The following BCL9 variants were observed in gnomAD, a reference collection of about 807,000 sequenced individuals.
The protein encoded by BCL9 is BCL9 transcription coactivator.
Under a neutral mutation model 88.5 loss-of-function variants are expected in BCL9, and 25 were observed. That is an observed-to-expected ratio of 0.28 (90% CI 0.21 to 0.39). The LOEUF (loss-of-function observed/expected upper bound fraction) is 0.39, where lower values mean the gene tolerates loss of function less well. Among genes scored for constraint, BCL9 ranks in the 10% least tolerant of loss-of-function variants. The probability of loss-of-function intolerance (pLI) is 1.00; values close to 1 mark genes in which losing one functional copy is unlikely to be tolerated. For missense variants in BCL9, 1,817 were observed against 1,877.8 expected (o/e 0.97, Z 0.60); for synonymous variants, 711 against 673.3 (o/e 1.06, Z -0.87).
chr1:147,550,268 T>C (rs782553478), intron 1 of BCL9, among the ~76,000 whole-genome samples: 2 of 152,150 alleles, frequency 1.3e-5, no homozygotes, highest in Non-Finnish European at 2.9e-5. Context: ...GACTGTCTTT[T>C]AGTACGAACC....
intron 1 of BCL9, among the ~76,000 whole-genome samples, chr1:147,542,080 C>G (rs1283995869): frequency 6.6e-6 from 1 of 152,160 alleles, no homozygotes; most frequent in Non-Finnish European, 1.5e-5. Context: ...TCAGGCTGAG[C>G]AAGGGCCGGC....
chr1:147,583,312 C>G (rs1170235590), intron 1 of BCL9, among the ~76,000 whole-genome samples: 1 of 151,952 alleles, frequency 6.6e-6, no homozygotes, highest in Non-Finnish European at 1.5e-5. Flanking sequence ...GACTCTTGCT[C>G]TGTTCCCCAG....
chr1:147,571,667 G>C (rs146467917), intron 1 of BCL9, among the ~76,000 whole-genome samples: 162 of 152,270 alleles, frequency 1.1e-3, no homozygotes, highest in African/African-American at 3.6e-3. Flanking sequence ...ATGGAAATCA[G>C]AGAGAGGAAA....
Position 147,619,411 on chromosome 1 carries a change from G to A in BCL9, c.1256G>A (p.Gly419Glu), listed in dbSNP as rs1032716539. 6.2e-7 allele frequency: 1 copy of A among 1,614,066 alleles called. No homozygotes were observed. The change falls in exon 8 of 10, where the codon GGA becomes GAA. Residue 419 changes from glycine to glutamate, a missense_variant. This residue lies in a region of BCL9 where 1,228 missense variants were observed against 1,191.6 expected (regional missense o/e 1.03). Coordinates refer to ENST00000234739, the MANE Select transcript of BCL9 (RefSeq NM_004326.4). The surrounding 1 kb of genome is among the most constrained non-coding windows in gnomAD (Gnocchi z 4.1). ...GCCCAATCCCAAAGCCTAGGTAAGG[G>A]ACCTGGGCCCCGGACAGACGTGGGA... is the stretch of plus-strand genomic sequence containing the variant. ...MMAQSQSLGK[G>E]PGPRTDVGAP...
At chr1:147,591,167 G>A in intron 1 of BCL9, among the ~76,000 whole-genome samples, 1 of 152,000 alleles carries the variant, frequency 6.6e-6, no homozygotes, top group East Asian at 1.9e-4. Flanking sequence ...TCACATTCAG[G>A]ATAATGCTGT....
chr1:147,605,703 T>C (rs1221481416), intron 2 of BCL9, among the ~76,000 whole-genome samples: 1 of 152,178 alleles, frequency 6.6e-6, no homozygotes, highest in Non-Finnish European at 1.5e-5. Context: ...GTTTTTCCTA[T>C]TGTGTACTTT....
chr1:147,585,198 G>A (rs749623670), intron 1 of BCL9, among the ~76,000 whole-genome samples: 1 of 152,176 alleles, frequency 6.6e-6, no homozygotes, highest in Non-Finnish European at 1.5e-5. Flanking sequence ...GCTATGCATG[G>A]AACATATAAT....
In BCL9 at chr1:147,619,524, A is replaced by G. The variant is rs782057413; in HGVS notation, c.1369A>G (p.Ile457Val). 1.5e-5 allele frequency: 24 copies of G among 1,614,020 alleles called. No homozygotes were observed. The highest frequency in any genetic ancestry group is 1.4e-5 in the Non-Finnish European group (16 of 1,180,024). Residue 457 changes from isoleucine (I) to valine (V), a missense_variant, in exon 8 of 10, where the codon ATA becomes GTA. By Grantham distance (29) the Ile-to-Val change is conservative. Transcript: ENST00000234739. The surrounding 1 kb of genome is among the most constrained non-coding windows in gnomAD (Gnocchi z 4.1). ...TTCTATGAACTCCCAGTCTGGGACC[A>G]TAGGACCCGACCACCTTGACCATAT... ...PPSMNSQSGT[I>V]GPDHLDHMTP... is the part of the protein sequence containing the mutation.
rs143302078 is a variant in BCL9 at position 147,616,013 on chromosome 1, A to G, written c.660+111A>G. On this transcript the variant is annotated intron_variant, in intron 7 of 9. Transcript: ENST00000234739. ...AGGTAGTCTTGATGGCATGAGTTGC[A>G]TTCTTGGCATTTAACCTAATTCTGG... The G allele has an allele frequency of 2.5e-5, 26 of 1,027,020 alleles. No individual in the cohort carries two copies. In the African/African-American group the frequency reaches 3.0e-4, roughly 12 times the overall value. 63.6% of individuals were successfully genotyped at this position (1,027,020 alleles called of 1,614,324 possible). A position where few individuals can be genotyped will look rare whatever the true frequency, so the allele number is the denominator to read the frequency against.
chr1:147,622,120 A>T, intron 8 of BCL9, 151 bp from the exon 9 acceptor site: 1 of 1,119,078 alleles, frequency 8.9e-7, no homozygotes, highest in Non-Finnish European at 1.3e-6. Context: ...GAGCTTGACT[A>T]GAAGATTGAT....
intron 1 of BCL9, among the ~76,000 whole-genome samples, chr1:147,602,480 G>A (rs1657449022): frequency 6.6e-6 from 1 of 152,176 alleles, no homozygotes. Flanking sequence ...AAAGTGTTGG[G>A]ATTACAGGTG....
rs76129568 is a variant in BCL9 at position 147,623,311 on chromosome 1, G to A, written c.3164-531G>A. On this transcript the variant is annotated intron_variant, in intron 9 of 9. Coordinates refer to ENST00000234739, the MANE Select transcript of BCL9 (RefSeq NM_004326.4). ...TGTCCCAGGGACTGTATTAGAATAT[G>A]TTACTTTCCTTTTCTATTAAAAGTT... is the stretch of plus-strand genomic sequence containing the variant. Among the ~76,000 whole-genome samples, 263 of 152,220 alleles carry A rather than the reference G, an allele frequency of 1.7e-3. 1 individual carries two copies. The highest frequency in any genetic ancestry group is 6.1e-3 in the African/African-American group (254 of 41,540).
intron 1 of BCL9, among the ~76,000 whole-genome samples, chr1:147,546,359 A>G (rs1411589813): frequency 1.3e-5 from 2 of 151,914 alleles, no homozygotes; most frequent in African/African-American, 2.4e-5. Context: ...AAATAATAAT[A>G]GTTGCCTAAG....
intron 1 of BCL9, chr1:147,600,229 C>T (rs1657306419): frequency 6.2e-6 from 1 of 162,248 alleles, no homozygotes; most frequent in Non-Finnish European, 1.3e-5. Context: ...GGAGACGCTG[C>T]GCCGCCGCTG....
chr1:147,563,876 C>T (rs1655489359), intron 1 of BCL9, among the ~76,000 whole-genome samples: 1 of 152,202 alleles, frequency 6.6e-6, no homozygotes, highest in Non-Finnish European at 1.5e-5. Context: ...CTTCATAATC[C>T]TGAAAACAGG....
At chr1:147,591,900 ATCT>A (rs1284955957) in intron 1 of BCL9, among the ~76,000 whole-genome samples, 1 of 152,214 alleles carries the variant, frequency 6.6e-6, no homozygotes, top group Non-Finnish European at 1.5e-5. Context: ...ATTATTAAAC[ATCT>A]TCTGTTGTAG....
At chr1:147,593,880 T>A (rs1016100162) in intron 1 of BCL9, among the ~76,000 whole-genome samples, 1 of 152,196 alleles carries the variant, frequency 6.6e-6, no homozygotes, top group Non-Finnish European at 1.5e-5. Flanking sequence ...AGAGTAAAAT[T>A]TGCCTATCTA....
chr1:147,625,281 C>T lies in BCL9; in HGVS notation c.*322C>T, dbSNP rs1164105042. 3 of 318,922 alleles carry T rather than the reference C, an allele frequency of 9.4e-6. No individual in the cohort carries two copies. The highest frequency in any genetic ancestry group is 1.7e-5 in the Non-Finnish European group (3 of 171,944). The allele number at this position is 318,922 out of a possible 1,614,324, so 19.8% of individuals were successfully genotyped here. On this transcript the variant is annotated 3_prime_UTR_variant, in exon 10 of 10. Transcript: ENST00000234739. ...GCCATCGGTCATGTGTTGCACCGTT[C>T]TCTGTATGTTTACGTCCTTTGGACT...
rs782659881 is a variant in BCL9 at position 147,624,079 on chromosome 1, G to A, written c.3401G>A (p.Arg1134Gln). 18 of 1,611,202 alleles carry A rather than the reference G, an allele frequency of 1.1e-5. No individual in the cohort carries two copies. The highest frequency in any genetic ancestry group is 1.6e-4 in the Middle Eastern group (1 of 6,078). Reference protein sequence around the residue: ...SQEPPMVPQGRMGFPQGFPPV... With the variant: ...SQEPPMVPQGQMGFPQGFPPV... Reference sequence around the variant, plus strand: ...GAGCCACCGATGGTACCTCAAGGACGGATGGGCTTCCCCCAGGGCTTCCCT... The same window carrying A: ...GAGCCACCGATGGTACCTCAAGGACAGATGGGCTTCCCCCAGGGCTTCCCT... The change falls in exon 10 of 10, where the codon CGG becomes CAG. Residue 1134 changes from arginine (R) to glutamine (Q), a missense_variant. Arg to Gln is a conservative substitution (Grantham distance 43). This residue lies in a region of BCL9 where 589 missense variants were observed against 686.2 expected (regional missense o/e 0.86). Transcript: ENST00000234739. The surrounding 1 kb of genome is among the most constrained non-coding windows in gnomAD (Gnocchi z 4.4).
Sources: allele counts gnomAD v4.1 joint callset (sites outside exome capture counted in the v4.1 genomes callset), GRCh38; gene constraint gnomAD v4.1.1; regional missense constraint gnomAD v4.1.1; non-coding constraint Gnocchi (gnomAD v3.1); transcripts MANE v1.5; gene names NCBI Gene and HGNC (gene_info 2026-07-23, HGNC 2026-07-21).